MLLT3: variants seen among roughly 807,000 people sequenced by gnomAD.
MLLT3 encodes the protein protein AF-9.
MLLT3 carries 4 observed loss-of-function variants against 53.2 expected under a neutral mutation model. The ratio of observed to expected loss-of-function variants is 0.08; its 90% CI spans 0.04 to 0.17. The LOEUF (loss-of-function observed/expected upper bound fraction) is 0.17, where lower values mean the gene tolerates loss of function less well. Among genes scored for constraint, MLLT3 ranks in the 10% least tolerant of loss-of-function variants. The pLI, the probability that MLLT3 is intolerant of heterozygous loss-of-function variation, is 1.00. For missense variants in MLLT3, 569 were observed against 684.0 expected, an observed-to-expected ratio of 0.83 and a Z score of 1.87; for synonymous variants, 283 against 230.6, an observed-to-expected ratio of 1.23 and a Z score of -2.06.
intron 4 of MLLT3, among the ~76,000 whole-genome samples, chr9:20,439,468 C>T (rs1823491627): frequency 6.7e-6 from 1 of 150,002 alleles, no homozygotes; most frequent in African/African-American, 2.4e-5. Flanking sequence ...CATCATACTT[C>T]TGTATTGTCA....
chr9:20,472,930 G>C (rs1824431355), intron 2 of MLLT3, among the ~76,000 whole-genome samples: 1 of 151,174 alleles, frequency 6.6e-6, no homozygotes, highest in East Asian at 1.9e-4. Context: ...AGAAAAGAAA[G>C]TTTCTTAGCT....
At chr9:20,394,073 T>C (rs1262156866) in intron 5 of MLLT3, among the ~76,000 whole-genome samples, 1 of 152,196 alleles carries the variant, frequency 6.6e-6, no homozygotes, top group African/African-American at 2.4e-5. Flanking sequence ...ATTCTTTCCA[T>C]ATGAGGAAAA....
intron 5 of MLLT3, among the ~76,000 whole-genome samples, chr9:20,413,195 A>G (rs187868585): frequency 4.1e-4 from 62 of 152,324 alleles, no homozygotes; most frequent in African/African-American, 1.4e-3. Context: ...TACATTTTAC[A>G]TATGTGTAGT....
intron 2 of MLLT3, among the ~76,000 whole-genome samples, chr9:20,602,782 ACAC>A (rs1820461493): frequency 6.6e-6 from 1 of 151,804 alleles, no homozygotes; most frequent in African/African-American, 2.4e-5. Context: ...ACACACACAC[ACAC>A]ACACACACAC....
intron 5 of MLLT3, among the ~76,000 whole-genome samples, chr9:20,402,425 T>C (rs1161725406): frequency 6.6e-6 from 1 of 152,206 alleles, no homozygotes; most frequent in Non-Finnish European, 1.5e-5. Context: ...TGACTCATTA[T>C]ATTTGTAGAT....
chr9:20,526,693 G>A (rs1178796328), intron 2 of MLLT3, among the ~76,000 whole-genome samples: 1 of 152,186 alleles, frequency 6.6e-6, no homozygotes, highest in Non-Finnish European at 1.5e-5. Flanking sequence ...GAGTAGAACA[G>A]CTAGATCCTT....
intron 2 of MLLT3, among the ~76,000 whole-genome samples, chr9:20,537,125 C>T (rs1053141068): frequency 2.0e-5 from 3 of 152,280 alleles, no homozygotes; most frequent in African/African-American, 7.2e-5. Context: ...CATATGCATT[C>T]ATATACACTT....
chr9:20,552,571 C>T (rs1169895292), intron 2 of MLLT3, among the ~76,000 whole-genome samples: 1 of 151,798 alleles, frequency 6.6e-6, no homozygotes, highest in Non-Finnish European at 1.5e-5. Flanking sequence ...GCAGAAGAGG[C>T]GAGAACAGAA....
chr9:20,455,970 A>C (rs1823957953), intron 3 of MLLT3, among the ~76,000 whole-genome samples: 3 of 133,690 alleles, frequency 2.2e-5, no homozygotes, highest in South Asian at 2.3e-4. Context: ...ATGGAGCCTC[A>C]CTCTGTCACC....
At position 20,346,079 on chromosome 9, in the gene MLLT3, C is replaced by T. The variant is rs958061487; in HGVS notation, c.*364G>A. 7.7e-6 allele frequency: 2 copies of T among 258,074 alleles called. No homozygotes were observed. The highest frequency in any genetic ancestry group is 1.5e-5 in the Non-Finnish European group (2 of 132,720). 16.0% of individuals were successfully genotyped at this position (258,074 alleles called of 1,614,324 possible). A position where few individuals can be genotyped will look rare whatever the true frequency, so the allele number is the denominator to read the frequency against. ...TAAGGCAGTGTGTTGAATATGCATT[C>T]GTCCTGTGGAATGAACCACCACAGA... is the stretch of plus-strand genomic sequence containing the variant. On this transcript the variant is annotated 3_prime_UTR_variant, in exon 11 of 11. Coordinates refer to ENST00000380338, the MANE Select transcript of MLLT3 (RefSeq NM_004529.4).
chr9:20,484,258 C>A (rs1304114298), intron 2 of MLLT3, among the ~76,000 whole-genome samples: 1 of 152,116 alleles, frequency 6.6e-6, no homozygotes, highest in Non-Finnish European at 1.5e-5. Context: ...CTATATTTTC[C>A]ATTTAGGTCT....
chr9:20,617,249 C>A (rs1196776973), intron 2 of MLLT3, among the ~76,000 whole-genome samples: 1 of 152,136 alleles, frequency 6.6e-6, no homozygotes, highest in Non-Finnish European at 1.5e-5. Flanking sequence ...TATTAGTTAC[C>A]TTGATAAAAA....
chr9:20,442,682 C>A (rs201143801), intron 4 of MLLT3, among the ~76,000 whole-genome samples: 1 of 152,160 alleles, frequency 6.6e-6, no homozygotes, highest in Non-Finnish European at 1.5e-5. Flanking sequence ...ATCCTAAGAT[C>A]CTTTTGGCCC....
intron 2 of MLLT3, among the ~76,000 whole-genome samples, chr9:20,504,457 C>T (rs948684520): frequency 6.6e-6 from 1 of 151,508 alleles, no homozygotes; most frequent in African/African-American, 2.4e-5. Context: ...CATGAATGAA[C>T]CTGGAAGACA....
chr9:20,470,667 A>T (rs1379353323), intron 2 of MLLT3, among the ~76,000 whole-genome samples: 1 of 151,758 alleles, frequency 6.6e-6, no homozygotes, highest in Non-Finnish European at 1.5e-5. Flanking sequence ...AATCCATCTG[A>T]CTCTAGTTTC....
intron 2 of MLLT3, among the ~76,000 whole-genome samples, chr9:20,604,409 C>T (rs1196047100): frequency 7.3e-6 from 1 of 136,240 alleles, no homozygotes; most frequent in African/African-American, 2.5e-5. Context: ...ATACAAAAAA[C>T]AAAGTCTAAC....
intron 2 of MLLT3, among the ~76,000 whole-genome samples, chr9:20,535,095 G>A (rs1487133902): frequency 1.3e-5 from 2 of 152,062 alleles, no homozygotes; most frequent in South Asian, 2.1e-4. Flanking sequence ...GTTAGGTACG[G>A]GGCCACACGG....
chr9:20,421,210 G>A (rs1314928734), intron 4 of MLLT3, among the ~76,000 whole-genome samples: 2 of 152,072 alleles, frequency 1.3e-5, no homozygotes, highest in East Asian at 1.9e-4. Flanking sequence ...GTTTCAGTGA[G>A]CCAAGATTGC....
chr9:20,435,598 C>T (rs1170942110), intron 4 of MLLT3, among the ~76,000 whole-genome samples: 1 of 152,040 alleles, frequency 6.6e-6, no homozygotes, highest in African/African-American at 2.4e-5. Flanking sequence ...CTTGGAAGGA[C>T]ATTTTTATTT....
Sources: gnomAD v4.1 joint callset for allele counts (sites outside exome capture counted in the v4.1 genomes callset) on GRCh38, gnomAD v4.1.1 for gene constraint, MANE v1.5 for transcripts, NCBI Gene and HGNC (gene_info 2026-07-23, HGNC 2026-07-21) for gene names.